Variants in CACNA1S observed in about 807,000 individuals in gnomAD.
CACNA1S encodes the protein calcium voltage-gated channel subunit alpha1 S.
In CACNA1S, 126 loss-of-function variants were observed where a neutral mutation model predicts 207.4. The ratio of observed to expected loss-of-function variants is 0.61; its 90% CI spans 0.53 to 0.70. The LOEUF (loss-of-function observed/expected upper bound fraction) is 0.70. Ranked by LOEUF, CACNA1S falls within the 30% of genes least tolerant of loss-of-function variation. The pLI is 0.00. For synonymous variants in CACNA1S, 960 were observed against 932.7 expected, an observed-to-expected ratio of 1.03 and a Z score of -0.53; for missense variants, 2,349 against 2,422.8, an observed-to-expected ratio of 0.97 and a Z score of 0.64.
At position 201,093,993 on chromosome 1, in the gene CACNA1S, A is replaced by G; in HGVS notation, c.287T>C (p.Val96Ala). The change falls in exon 3 of 44, where the codon GTC becomes GCC. Residue 96 changes from valine (V) to alanine (A), a missense_variant. Transcript: ENST00000362061. ...CTTCATGGCGGCTTCAATCGAGAAGACAATGAGGAAGAAATACTCCAGCTT... is the reference window on the plus strand; with the variant it reads ...CTTCATGGCGGCTTCAATCGAGAAGGCAATGAGGAAGAAATACTCCAGCTT... The part of the protein sequence containing the change: ...LEKLEYFFLI[V>A]FSIEAAMKII... 6.2e-7 allele frequency: 1 copy of G among 1,614,212 alleles called. No individual in the cohort carries two copies. The highest frequency in any genetic ancestry group is 8.5e-7 in the Non-Finnish European group (1 of 1,180,040).
chr1:201,072,498 C>T (rs529927528), intron 16 of CACNA1S, among the ~76,000 whole-genome samples: 4 of 152,166 alleles, frequency 2.6e-5, no homozygotes, highest in Non-Finnish European at 5.9e-5. Context: ...CAGTGAGGCA[C>T]ATAGCTGGCA....
At chr1:201,080,970 C>A (rs1344115001) in intron 10 of CACNA1S, among the ~76,000 whole-genome samples, 1 of 152,128 alleles carries the variant, frequency 6.6e-6, no homozygotes, top group Non-Finnish European at 1.5e-5. Flanking sequence ...GACCCCATAC[C>A]TATATAAGGC....
At chr1:201,061,218 G>A (rs1661034700) in intron 25 of CACNA1S, 49 bp downstream of exon 25, 3 of 1,548,976 alleles carry the variant, frequency 1.9e-6, no homozygotes, top group Admixed American at 1.7e-5. Flanking sequence ...GGGCCAGCAG[G>A]AGGCCTGCTG....
At chr1:201,083,020 A>G in intron 10 of CACNA1S, 142 bp downstream of exon 10, 1 of 880,350 alleles carries the variant, frequency 1.1e-6, no homozygotes, top group Admixed American at 2.0e-5. Flanking sequence ...ATAATCCAGC[A>G]CTCATGGTCC....
intron 19 of CACNA1S, among the ~76,000 whole-genome samples, chr1:201,068,096 T>C (rs1469164464): frequency 6.6e-6 from 1 of 151,800 alleles, no homozygotes; most frequent in African/African-American, 2.4e-5. Flanking sequence ...GGAAAAGGCG[T>C]GATAGGGCAG....
At position 201,070,364 on chromosome 1, in the gene CACNA1S, G is replaced by C; in HGVS notation, c.2268C>G (p.Pro756=). 1 of 1,614,062 alleles carries C rather than the reference G, an allele frequency of 6.2e-7. No homozygotes were observed. The highest frequency in any genetic ancestry group is 1.1e-5 in the South Asian group (1 of 91,070). Residue 756 remains proline (P), a synonymous_variant, in exon 17 of 44, where the codon CCC becomes CCG. Transcript: ENST00000362061. ...EEDEPEIPLS[P]RPRPLAELQL... is the part of the protein sequence containing the mutation. ...GCAGCTCAGCCAGGGGACGTGGTCG[G>C]GGGCTCAGCGGGATCTCAGGCTCAT... is the stretch of plus-strand genomic sequence containing the variant.
chr1:201,070,514 C>G, intron 16 of CACNA1S, 110 bp from the exon 17 acceptor site: 1 of 1,470,402 alleles, frequency 6.8e-7, no homozygotes, highest in Admixed American at 1.7e-5. Flanking sequence ...AGCAAGGGAC[C>G]ACCAGGCTGA....
chr1:201,046,934 G>A (rs1268333661), intron 38 of CACNA1S, among the ~76,000 whole-genome samples, 181 bp downstream of exon 38: 1 of 152,096 alleles, frequency 6.6e-6, no homozygotes, highest in Non-Finnish European at 1.5e-5. Context: ...CTTTTTTTGA[G>A]GTTGAAACAT....
intron 3 of CACNA1S, among the ~76,000 whole-genome samples, chr1:201,093,624 G>A (rs1348493550): frequency 2.6e-5 from 4 of 152,226 alleles, no homozygotes; most frequent in Non-Finnish European, 5.9e-5. Context: ...TTTGTGTGAT[G>A]TGAGGAGGAT....
Position 201,043,331 on chromosome 1 carries a change from G to A in CACNA1S, c.4998C>T (p.Ala1666=), listed in dbSNP as rs929593930. The change falls in exon 40 of 44, where the codon GCC becomes GCT. Residue 1666 remains alanine, a synonymous_variant. Transcript: ENST00000362061. ...LARANTNNAN[A]NVAYGNSNHS... Reference sequence around the variant, plus strand: ...GGTTGCTGTTGCCATAGGCGACATTGGCGTTGGCATTGTTGGTATTGGCAC... The same window carrying A: ...GGTTGCTGTTGCCATAGGCGACATTAGCGTTGGCATTGTTGGTATTGGCAC... 1.2e-6 allele frequency: 2 copies of A among 1,614,226 alleles called. No individual in the cohort carries two copies. The highest frequency in any genetic ancestry group is 1.7e-5 in the Admixed American group (1 of 60,028).
At chr1:201,087,720 G>T in intron 7 of CACNA1S, 106 bp downstream of exon 7, 6 of 739,894 alleles carry the variant, frequency 8.1e-6, no homozygotes, top group East Asian at 2.7e-5. Flanking sequence ...CTCTCCACTC[G>T]CCCCCCACCC....
intron 28 of CACNA1S, among the ~76,000 whole-genome samples, chr1:201,057,223 C>T (rs1339036338): frequency 6.6e-6 from 1 of 152,336 alleles, no homozygotes; most frequent in Middle Eastern, 3.4e-3. Context: ...CCACTCTCTC[C>T]TCCAGCTACA....
chr1:201,043,809 C>A (rs67602696), intron 39 of CACNA1S, among the ~76,000 whole-genome samples: 1 of 151,772 alleles, frequency 6.6e-6, no homozygotes, highest in Non-Finnish European at 1.5e-5. Flanking sequence ...AGGGCTGAAT[C>A]GGGAGTCTGC....
In CACNA1S at chr1:201,073,834, C is replaced by T. The variant is rs553599059; in HGVS notation, c.2064-192G>A. On this transcript the variant is annotated intron_variant, in intron 14 of 43. Coordinates refer to ENST00000362061, the MANE Select transcript of CACNA1S (RefSeq NM_000069.3). ...CTCTGTGGTGAGAGGGCCCGACACACAGCATGGGCCCATGGCTACCGGTGG... is the reference window on the plus strand; with the variant it reads ...CTCTGTGGTGAGAGGGCCCGACACATAGCATGGGCCCATGGCTACCGGTGG... Among the ~76,000 whole-genome samples the T allele has an allele frequency of 2.0e-5, 3 of 152,322 alleles. No individual in the cohort carries two copies. In the South Asian group the frequency reaches 6.2e-4, roughly 32 times the overall value.
intron 37 of CACNA1S, 43 bp downstream of exon 37, chr1:201,047,482 C>A: frequency 6.6e-7 from 1 of 1,522,238 alleles, no homozygotes; most frequent in Non-Finnish European, 9.1e-7. Flanking sequence ...CACTCCCATT[C>A]CTTGGCTGCT....
chr1:201,056,612 C>T (rs1660854127), intron 28 of CACNA1S, among the ~76,000 whole-genome samples: 2 of 152,188 alleles, frequency 1.3e-5, no homozygotes, highest in Admixed American at 1.3e-4. Context: ...CTCTCTTTTC[C>T]ACTGTGTCCC....
At position 201,089,549 on chromosome 1, in the gene CACNA1S, G is replaced by C; in HGVS notation, c.695-86C>G. 19 of 1,306,432 alleles carry C rather than the reference G, an allele frequency of 1.5e-5. No individual in the cohort carries two copies. The South Asian group carries it at 1.9e-4, about 13-fold the overall frequency. 80.9% of individuals were successfully genotyped at this position (1,306,432 alleles called of 1,614,324 possible). On this transcript the variant is annotated intron_variant, in intron 5 of 43. Transcript: ENST00000362061. ...AAAGGTGTATAAGAGCAATTTAAGAGAATTGAGCAGTAAGTCTAAAGACAC... is the reference window on the plus strand; with the variant it reads ...AAAGGTGTATAAGAGCAATTTAAGACAATTGAGCAGTAAGTCTAAAGACAC...
intron 34 of CACNA1S, 99 bp from the exon 35 acceptor site, chr1:201,049,198 A>G: frequency 1.2e-6 from 1 of 811,672 alleles, no homozygotes; most frequent in South Asian, 1.5e-5. Flanking sequence ...GCCAGGAAAC[A>G]GGGGAGCATT....
rs113812219 is a variant in CACNA1S at position 201,076,969 on chromosome 1, C to A, written c.1778G>T (p.Arg593Leu). 6.2e-7 allele frequency: 1 copy of A among 1,614,228 alleles called. No homozygotes were observed. The highest frequency in any genetic ancestry group is 1.3e-5 in the African/African-American group (1 of 75,048). The change falls in exon 12 of 44, where the codon CGG becomes CTG. Residue 593 changes from arginine to leucine, a missense_variant. Physicochemically the swap from Arg to Leu is moderately radical, Grantham distance 102 (BLOSUM62 -2). Coordinates refer to ENST00000362061, the MANE Select transcript of CACNA1S (RefSeq NM_000069.3). Reference protein sequence around the residue: ...GRYDFEDTEVRRSNFDNFPQA... With the variant: ...GRYDFEDTEVLRSNFDNFPQA... ...GGGAAAGTTGTCAAAGTTGCTGCGC[C>A]GTACTTCTGTGTCTTCAAAGTCATA...
Sources: gnomAD v4.1 joint callset for allele counts (sites outside exome capture counted in the v4.1 genomes callset) on GRCh38, gnomAD v4.1.1 for gene constraint, MANE v1.5 for transcripts, NCBI Gene and HGNC (gene_info 2026-07-23, HGNC 2026-07-21) for gene names.